GUCY1A1: variants seen among roughly 807,000 people sequenced by gnomAD.
The protein encoded by GUCY1A1 is guanylate cyclase 1 soluble subunit alpha 1, also known as guanylate cyclase soluble subunit alpha-1.
GUCY1A1 carries 48 observed loss-of-function variants against 64.5 expected under a neutral mutation model. That is an observed-to-expected ratio of 0.74 (90% confidence interval 0.59 to 0.95). The LOEUF is 0.95. Among genes scored for constraint, GUCY1A1 ranks in the 40% least tolerant of loss-of-function variants. The pLI, the probability that GUCY1A1 is intolerant of heterozygous loss-of-function variation, is 0.00. For missense variants in GUCY1A1, 804 were observed against 825.3 expected (o/e 0.97, Z 0.32); for synonymous variants, 308 against 303.4 (o/e 1.02, Z -0.16).
intron 9 of GUCY1A1, among the ~76,000 whole-genome samples, chr4:155,725,113 T>A (rs72972453): frequency 6.6e-6 from 1 of 151,982 alleles, no homozygotes; most frequent in Non-Finnish European, 1.5e-5. Context: ...AGTTCACACC[T>A]GTATCTGAAA....
At chr4:155,701,810 A>C (rs1731118984) in intron 3 of GUCY1A1, among the ~76,000 whole-genome samples, 1 of 152,008 alleles carries the variant, frequency 6.6e-6, no homozygotes. Flanking sequence ...TCCAAAAAAA[A>C]AAAAAAAAGA....
intron 2 of GUCY1A1, among the ~76,000 whole-genome samples, chr4:155,670,858 C>T (rs1057325882): frequency 7.2e-5 from 11 of 152,116 alleles, no homozygotes; most frequent in African/African-American, 2.7e-4. Flanking sequence ...AGCAGGAAGT[C>T]GACACGAGAC....
At chr4:155,717,488 C>T (rs1378227252) in intron 8 of GUCY1A1, among the ~76,000 whole-genome samples, 186 bp downstream of exon 8, 1 of 152,098 alleles carries the variant, frequency 6.6e-6, no homozygotes, top group Non-Finnish European at 1.5e-5. Context: ...TATTAAATGG[C>T]TTACAGAATC....
At chr4:155,686,832 A>G (rs1729057060) in intron 2 of GUCY1A1, among the ~76,000 whole-genome samples, 1 of 152,224 alleles carries the variant, frequency 6.6e-6, no homozygotes, top group South Asian at 2.1e-4. Context: ...TCATTAAAGG[A>G]ATTAGACATG....
intron 4 of GUCY1A1, among the ~76,000 whole-genome samples, chr4:155,704,845 A>C (rs1731525466): frequency 6.6e-6 from 1 of 151,982 alleles, no homozygotes. Context: ...GCCTCCCAAA[A>C]AACTGAGATT....
chr4:155,721,428 A>G (rs1168442949), intron 8 of GUCY1A1, among the ~76,000 whole-genome samples: 1 of 152,126 alleles, frequency 6.6e-6, no homozygotes, highest in Non-Finnish European at 1.5e-5. Flanking sequence ...TTTCATGTAT[A>G]TAGACATTGT....
intron 2 of GUCY1A1, among the ~76,000 whole-genome samples, chr4:155,668,348 T>C (rs1733646475): frequency 6.6e-6 from 1 of 152,246 alleles, no homozygotes; most frequent in South Asian, 2.1e-4. Context: ...CACTTAACGA[T>C]GACTGGTTGA....
chr4:155,707,615 A>G (rs2126825494), intron 4 of GUCY1A1, among the ~76,000 whole-genome samples: 1 of 152,182 alleles, frequency 6.6e-6, no homozygotes, highest in Admixed American at 6.5e-5. Flanking sequence ...AAAAAAAAAA[A>G]AAATCCTAAG....
chr4:155,682,745 A>G (rs996585551), intron 2 of GUCY1A1, among the ~76,000 whole-genome samples: 14 of 149,170 alleles, frequency 9.4e-5, no homozygotes, highest in Admixed American at 2.7e-4. Flanking sequence ...CCCCACTCAT[A>G]TCAGGCTTTG....
intron 4 of GUCY1A1, among the ~76,000 whole-genome samples, chr4:155,706,249 A>T (rs75629058): frequency 0.04 from 6,100 of 152,316 alleles, 165 homozygotes; most frequent in Middle Eastern, 0.072. Context: ...AGTTGTTGAA[A>T]CAAGATTTTT....
chr4:155,691,975 G>T (rs993838272), intron 2 of GUCY1A1, among the ~76,000 whole-genome samples: 15 of 152,052 alleles, frequency 9.9e-5, no homozygotes, highest in Non-Finnish European at 4.4e-5. Context: ...GCCCCAGTGA[G>T]TGTTGTTCCC....
chr4:155,677,910 T>C (rs1735183110), intron 2 of GUCY1A1, among the ~76,000 whole-genome samples: 1 of 151,788 alleles, frequency 6.6e-6, no homozygotes, highest in Non-Finnish European at 1.5e-5. Context: ...TTAGAATAAA[T>C]ATTAAAATCT....
chr4:155,703,543 G>T (rs1283915778), intron 3 of GUCY1A1, among the ~76,000 whole-genome samples: 1 of 152,182 alleles, frequency 6.6e-6, no homozygotes, highest in Non-Finnish European at 1.5e-5. Flanking sequence ...CGTCCAGAGG[G>T]ATTTCCTGAC....
At chr4:155,704,748 C>T (rs963781829) in intron 4 of GUCY1A1, among the ~76,000 whole-genome samples, 2 of 151,872 alleles carry the variant, frequency 1.3e-5, no homozygotes, top group African/African-American at 2.4e-5. Context: ...AACAGGGTCT[C>T]ACTCTGTCAT....
intron 8 of GUCY1A1, among the ~76,000 whole-genome samples, chr4:155,718,552 G>A (rs777243580): frequency 6.6e-6 from 1 of 152,276 alleles, no homozygotes; most frequent in East Asian, 1.9e-4. Flanking sequence ...GGGTGAGGGT[G>A]CCTGGAATAG....
Position 155,713,395 on chromosome 4 carries a change from G to A in GUCY1A1, c.1384G>A (p.Val462Ile). ...DLLCSIFPCEVAQQLWQGQVV... is the reference protein window; with the variant it reads ...DLLCSIFPCEIAQQLWQGQVV... ...TCTGTGCTCCATATTTCCCTGTGAG[G>A]TTGCTCAGCAGCTGTGGCAAGGGCA... The change falls in exon 7 of 10, where the codon GTT becomes ATT. Residue 462 changes from valine to isoleucine, a missense_variant. Coordinates refer to ENST00000506455, the MANE Select transcript of GUCY1A1 (RefSeq NM_001130682.3). The A allele has an allele frequency of 6.2e-7, 1 of 1,614,136 alleles. No homozygotes were observed. The highest frequency in any genetic ancestry group is 2.2e-5 in the East Asian group (1 of 44,872).
At chr4:155,685,615 T>G (rs113729714) in intron 2 of GUCY1A1, among the ~76,000 whole-genome samples, 22,792 of 135,070 alleles carry the variant, frequency 0.17, 2,369 homozygotes, top group Non-Finnish European at 0.24. Context: ...TTTTTTTTTT[T>G]TTTTTTTTTT....
At chr4:155,702,963 T>C (rs761458316) in intron 3 of GUCY1A1, among the ~76,000 whole-genome samples, 18 of 150,408 alleles carry the variant, frequency 1.2e-4, no homozygotes, top group Non-Finnish European at 2.2e-4. Context: ...TGGTTCTATA[T>C]ATATAATATA....
chr4:155,726,532 G>A (rs994688009), intron 9 of GUCY1A1, among the ~76,000 whole-genome samples: 1 of 151,810 alleles, frequency 6.6e-6, no homozygotes, highest in Non-Finnish European at 1.5e-5. Context: ...ATTCTGGAAT[G>A]ATATTTCTTT....
Sources: gnomAD v4.1 joint callset for allele counts (sites outside exome capture counted in the v4.1 genomes callset) on GRCh38, gnomAD v4.1.1 for gene constraint, MANE v1.5 for transcripts, NCBI Gene and HGNC (gene_info 2026-07-23, HGNC 2026-07-21) for gene names.